GOLGB1: variants seen among roughly 807,000 people sequenced by gnomAD.
GOLGB1 encodes the protein golgin subfamily B member 1.
Under a neutral mutation model 336.9 loss-of-function variants are expected in GOLGB1, and 174 were observed. The observed-to-expected ratio is 0.52, with a 90% confidence interval of 0.46 to 0.59. The LOEUF is 0.59. GOLGB1 is among the 20% of genes least tolerant of loss of function. The probability of loss-of-function intolerance (pLI) is 0.00; values close to 1 mark genes in which losing one functional copy is unlikely to be tolerated. For synonymous variants in GOLGB1, 1,208 were observed against 1,289.2 expected, an observed-to-expected ratio of 0.94 and a Z score of 1.35; for missense variants, 3,331 against 3,645.3, an observed-to-expected ratio of 0.91 and a Z score of 2.22.
chr3:121,664,793 G>C, intron 21 of GOLGB1, 133 bp downstream of exon 21: 1 of 770,224 alleles, frequency 1.3e-6, no homozygotes, highest in Non-Finnish European at 2.2e-6. Context: ...AATCTTCCAC[G>C]CCCTTCCAGC....
At chr3:121,669,866 T>C (rs147536804) in intron 17 of GOLGB1, among the ~76,000 whole-genome samples, 542 of 152,296 alleles carry the variant, frequency 3.6e-3, no homozygotes, top group Non-Finnish European at 6.4e-3. Context: ...TTATAATATG[T>C]GGTAGAAGGG....
chr3:121,744,233 G>A (rs1947085312), intron 1 of GOLGB1, among the ~76,000 whole-genome samples: 1 of 152,004 alleles, frequency 6.6e-6, no homozygotes, highest in South Asian at 2.1e-4. Context: ...TGTAAGATAA[G>A]TATTATCATC....
rs745476664 is a variant in GOLGB1, at chr3:121,695,692, C to T, written c.4831G>A (p.Glu1611Lys). Residue 1611 changes from glutamate to lysine, a missense_variant, in exon 13 of 22, where the codon GAG (glutamate) becomes AAG (lysine). By Grantham distance (56) the Glu-to-Lys change is moderately conservative. Transcript: ENST00000614479. Reference sequence around the variant, plus strand: ...TCTTTTTGTAGCTCCTTGTGTTTCTCTTGCCACTCAGTACTTTCTGCAATC... The same window carrying T: ...TCTTTTTGTAGCTCCTTGTGTTTCTTTTGCCACTCAGTACTTTCTGCAATC... Reference protein sequence around the residue: ...SKIAESTEWQEKHKELQKEYE... With the variant: ...SKIAESTEWQKKHKELQKEYE... The T allele has an allele frequency of 6.2e-7, 1 of 1,611,976 alleles. No homozygotes were observed. The highest frequency in any genetic ancestry group is 1.1e-5 in the South Asian group (1 of 91,068).
chr3:121,716,995 G>A lies in GOLGB1; in HGVS notation c.1030C>T (p.Gln344Ter). 6.2e-7 allele frequency: 1 copy of A among 1,613,912 alleles called. No individual in the cohort carries two copies. Among genetic ancestry groups the A allele is most frequent in the Non-Finnish European group, 8.5e-7 (1 of 1,179,926 alleles). ...TCTAAAAGATGATGCATTTCTTCCT[G>A]CAGATTATGGAAGGATAATTTTCTC... ...AERKLSFHNL[Q>*]EEMHHLLEQF... The change falls in exon 9 of 22, where the codon CAG becomes TAG. Residue 344 changes from glutamine to a stop codon, truncating the protein, a stop_gained. Transcript: ENST00000614479. LOFTEE classifies it high-confidence loss of function.
chr3:121,729,318 T>G lies in GOLGB1; in HGVS notation c.272A>C (p.Asn91Thr). ...ATGAAGTTTTAGTTTTTTAATTTTG[T>G]TATCAGCAGCTTTTCTCTCTTCCTG... ...ALQEERKAAD[N>T]KIKKLKLHAK... Residue 91 changes from asparagine (N) to threonine (T), a missense_variant, in exon 4 of 22, where the codon AAC (asparagine) becomes ACC (threonine). Transcript: ENST00000614479. 6.2e-7 allele frequency: 1 copy of G among 1,612,880 alleles called. No homozygotes were observed. The highest frequency in any genetic ancestry group is 1.3e-5 in the African/African-American group (1 of 74,972).
At position 121,679,904 on chromosome 3, in the gene GOLGB1, G is replaced by A. The variant is rs111768949; in HGVS notation, c.8873+1783C>T. On this transcript the variant is annotated intron_variant, in intron 15 of 21. Transcript: ENST00000614479. ...CACTCTTCCTTGTCCCTGCAGAGGT[G>A]GTATCAGAAGAGATCAAGTGGGGAT... 9.8e-5 allele frequency among the ~76,000 whole-genome samples: 15 copies of A among 152,294 alleles called. 1 individual carries two copies. The highest frequency in any genetic ancestry group is 4.1e-4 in the South Asian group (2 of 4,828).
chr3:121,667,966 T>C (rs1356152617), intron 19 of GOLGB1, 95 bp downstream of exon 19: 1 of 640,812 alleles, frequency 1.6e-6, no homozygotes, highest in Non-Finnish European at 2.8e-6. Context: ...ACAAGACATA[T>C]TAAATCCATA....
chr3:121,707,425 C>T (rs925570983), intron 10 of GOLGB1, among the ~76,000 whole-genome samples: 2 of 150,690 alleles, frequency 1.3e-5, no homozygotes, highest in Admixed American at 6.6e-5. Context: ...AGGTTAAAAC[C>T]AGCCAGCCTA....
At position 121,690,659 on chromosome 3, in the gene GOLGB1, T is replaced by C; in HGVS notation, c.8694+11A>G. The C allele has an allele frequency of 7.4e-7, 1 of 1,347,840 alleles. No individual in the cohort carries two copies. The highest frequency in any genetic ancestry group is 1.0e-6 in the Non-Finnish European group (1 of 990,874). The allele number at this position is 1,347,840 out of a possible 1,614,324, so 83.5% of individuals were successfully genotyped here. ...CTTAAACAGATCAGAAAGAAAGAAC[T>C]AGCTACTCACTAGTCTGTCTCTGTC... is the stretch of plus-strand genomic sequence containing the variant. On this transcript the variant is annotated intron_variant, in intron 14 of 21. Coordinates refer to ENST00000614479, the MANE Select transcript of GOLGB1 (RefSeq NM_001366282.2).
chr3:121,738,305 G>GC (rs1210837767), intron 1 of GOLGB1, among the ~76,000 whole-genome samples: 1 of 152,126 alleles, frequency 6.6e-6, no homozygotes, highest in Non-Finnish European at 1.5e-5. Flanking sequence ...GTAGCAAGGG[G>GC]CCCCATGGAT....
Position 121,677,015 on chromosome 3 carries a change from A to G in GOLGB1, c.9055T>C (p.Ser3019Pro), listed in dbSNP as rs374329120. The stretch of plus-strand genomic sequence containing the variant: ...TTTTGTGACCCATCTGGGGAAGCTG[A>G]TGTCTCTGGGGATGCCTGCCAGGAC... ...QYQRQASPET[S>P]ASPDGSQNLV... Residue 3019 changes from serine (S) to proline (P), a missense_variant, in exon 17 of 22, where the codon TCA (serine) becomes CCA (proline). By Grantham distance (74) the Ser-to-Pro change is moderately conservative (BLOSUM62 -1). Coordinates refer to ENST00000614479, the MANE Select transcript of GOLGB1 (RefSeq NM_001366282.2). 2.2e-5 allele frequency: 35 copies of G among 1,613,900 alleles called. No individual in the cohort carries two copies. The highest frequency in any genetic ancestry group is 2.8e-5 in the Non-Finnish European group (33 of 1,179,922).
At chr3:121,722,601 T>A (rs976041369) in intron 5 of GOLGB1, among the ~76,000 whole-genome samples, 1 of 152,082 alleles carries the variant, frequency 6.6e-6, no homozygotes, top group African/African-American at 2.4e-5. Flanking sequence ...ACTCCTCACA[T>A]AGAGACAGCA....
intron 3 of GOLGB1, 125 bp from the exon 4 acceptor site, chr3:121,729,465 G>T: frequency 1.3e-6 from 1 of 763,516 alleles, no homozygotes; most frequent in Non-Finnish European, 2.1e-6. Flanking sequence ...CAGGGCTGGA[G>T]TGCAGTGGCA....
Position 121,698,026 on chromosome 3 carries a change from C to T in GOLGB1, c.2497G>A (p.Glu833Lys). 1.2e-6 allele frequency: 2 copies of T among 1,614,080 alleles called. No homozygotes were observed. The highest frequency in any genetic ancestry group is 1.7e-6 in the Non-Finnish European group (2 of 1,179,934). ...ELDDVQLQFS[E>K]QSTLIRSLQS... The stretch of plus-strand genomic sequence containing the variant: ...AGGCTTCTTATCAGGGTACTCTGCT[C>T]AGAAAACTGAAGCTGCACATCATCC... The change falls in exon 13 of 22, where the codon GAG becomes AAG. Residue 833 changes from glutamate to lysine, a missense_variant. Physicochemically the swap from Glu to Lys is moderately conservative, Grantham distance 56 (BLOSUM62 1). Transcript: ENST00000614479.
intron 17 of GOLGB1, among the ~76,000 whole-genome samples, chr3:121,675,878 T>C (rs2107622187): frequency 6.6e-6 from 1 of 152,308 alleles, no homozygotes; most frequent in South Asian, 2.1e-4. Flanking sequence ...CAGAGTCTAA[T>C]GTTTGGAGAG....
At chr3:121,715,888 A>T (rs1049962834) in intron 9 of GOLGB1, among the ~76,000 whole-genome samples, 1 of 151,872 alleles carries the variant, frequency 6.6e-6, no homozygotes, top group Non-Finnish European at 1.5e-5. Flanking sequence ...GCTACTTGGG[A>T]GGCTGAGGCA....
intron 15 of GOLGB1, among the ~76,000 whole-genome samples, chr3:121,680,908 A>G (rs1364114726): frequency 6.6e-6 from 1 of 152,226 alleles, no homozygotes; most frequent in Non-Finnish European, 1.5e-5. Flanking sequence ...TTCAGCCATT[A>G]TGCAAAGTGG....
Position 121,671,594 on chromosome 3 carries a change from G to A in GOLGB1, c.9178-2239C>T, listed in dbSNP as rs115630863. Among the ~76,000 whole-genome samples the A allele has an allele frequency of 3.8e-3, 585 of 152,248 alleles. 3 individuals are homozygous for A. Among genetic ancestry groups the A allele is most frequent in the East Asian group, 0.022 (114 of 5,186 alleles). On this transcript the variant is annotated intron_variant, in intron 17 of 21. Transcript: ENST00000614479. ...TATAATTTGTAAAGATCAAATCAGTGTATCTGGAATATCCATCACCTTAAG... is the reference window on the plus strand; with the variant it reads ...TATAATTTGTAAAGATCAAATCAGTATATCTGGAATATCCATCACCTTAAG...
Position 121,681,691 on chromosome 3 carries a change from G to A in GOLGB1, c.8869C>T (p.Leu2957Phe). ...NLSWQHELHQ[L>F]RMEKSSWEIH... ...AGGAGGGATTATATATAGTACCTGA[G>A]CTGATGCAGCTCATGCTGCCAGGAG... is the stretch of plus-strand genomic sequence containing the variant. The change falls in exon 15 of 22, where the codon CTC becomes TTC. Residue 2957 changes from leucine to phenylalanine, a missense_variant. Leu to Phe is a conservative substitution (Grantham distance 22). Coordinates refer to ENST00000614479, the MANE Select transcript of GOLGB1 (RefSeq NM_001366282.2). The A allele has an allele frequency of 6.3e-7, 1 of 1,590,342 alleles. No homozygotes were observed. The highest frequency in any genetic ancestry group is 8.6e-7 in the Non-Finnish European group (1 of 1,163,504).
Sources: gnomAD v4.1 joint callset for allele counts (sites outside exome capture counted in the v4.1 genomes callset) on GRCh38, gnomAD v4.1.1 for gene constraint, MANE v1.5 for transcripts, NCBI Gene and HGNC (gene_info 2026-07-23, HGNC 2026-07-21) for gene names.